Variants in LRP1B observed in about 807,000 individuals in gnomAD.
The protein encoded by LRP1B is LDL receptor related protein 1B.
LRP1B carries 217 observed loss-of-function variants against 556.6 expected under a neutral mutation model. The ratio of observed to expected loss-of-function variants is 0.39; its 90% CI spans 0.35 to 0.44. The LOEUF is 0.44. Ranked by LOEUF, LRP1B falls within the 20% of genes least tolerant of loss-of-function variation. LRP1B has a pLI of 1.00. For synonymous variants in LRP1B, 2,047 were observed against 1,865.8 expected, an observed-to-expected ratio of 1.10 and a Z score of -2.50; for missense variants, 5,053 against 5,620.8, an observed-to-expected ratio of 0.90 and a Z score of 3.23.
chr2:142,023,540 A>G (rs1574605480), intron 1 of LRP1B, among the ~76,000 whole-genome samples: 1 of 152,248 alleles, frequency 6.6e-6, no homozygotes, highest in East Asian at 1.9e-4. Context: ...TTCGAGGTCA[A>G]TACTCACACA....
rs373659353 is a variant in LRP1B, at chr2:140,597,814, G to A, written c.7194+817C>T. Among the ~76,000 whole-genome samples the A allele has an allele frequency of 5.7e-4, 87 of 152,242 alleles. 4 individuals carry two copies. In the South Asian group the frequency reaches 0.018, roughly 32 times the overall value. Reference sequence around the variant, plus strand: ...ACTGTAGTTGTGATAGAGATCACATGGTCCATGAGGCTTCAAATATTTACT... The same window carrying A: ...ACTGTAGTTGTGATAGAGATCACATAGTCCATGAGGCTTCAAATATTTACT... On this transcript the variant is annotated intron_variant, in intron 43 of 90. Transcript: ENST00000389484.
intron 1 of LRP1B, among the ~76,000 whole-genome samples, chr2:141,824,304 A>G (rs920662069): frequency 1.3e-4 from 20 of 152,294 alleles, no homozygotes; most frequent in African/African-American, 4.6e-4. Flanking sequence ...GACTTTTTCA[A>G]TGCCACTCAA....
intron 1 of LRP1B, among the ~76,000 whole-genome samples, chr2:141,933,245 G>T (rs1700551798): frequency 6.6e-6 from 1 of 151,822 alleles, no homozygotes. Flanking sequence ...AAAAAAAATT[G>T]TTGCAAAGAG....
At chr2:140,880,669 T>C (rs1340920009) in intron 25 of LRP1B, among the ~76,000 whole-genome samples, 1 of 152,144 alleles carries the variant, frequency 6.6e-6, no homozygotes, top group Non-Finnish European at 1.5e-5. Context: ...TAAATGTGTT[T>C]TGTGAGGCTA....
At chr2:141,069,484 G>C (rs1699575863) in intron 7 of LRP1B, among the ~76,000 whole-genome samples, 1 of 151,976 alleles carries the variant, frequency 6.6e-6, no homozygotes, top group Non-Finnish European at 1.5e-5. Flanking sequence ...CATTGTCTGA[G>C]GTGGAGTCTA....
intron 21 of LRP1B, among the ~76,000 whole-genome samples, chr2:140,912,561 G>A (rs938130216): frequency 6.6e-5 from 10 of 151,586 alleles, no homozygotes; most frequent in South Asian, 2.1e-4. Context: ...AGAAGATGCC[G>A]AAAACCATAT....
intron 2 of LRP1B, among the ~76,000 whole-genome samples, chr2:141,681,799 A>C (rs1691114634): frequency 6.6e-6 from 1 of 152,140 alleles, no homozygotes; most frequent in Admixed American, 6.6e-5. Flanking sequence ...AAAAGTAGTG[A>C]ATTCAGTTAA....
chr2:140,502,570 A>G (rs1689244888), intron 54 of LRP1B, among the ~76,000 whole-genome samples: 1 of 152,054 alleles, frequency 6.6e-6, no homozygotes, highest in African/African-American at 2.4e-5. Flanking sequence ...ATGATATGCA[A>G]TGTTTCATCT....
chr2:141,831,545 T>C (rs1697111262), intron 1 of LRP1B, among the ~76,000 whole-genome samples: 1 of 151,702 alleles, frequency 6.6e-6, no homozygotes, highest in Admixed American at 6.6e-5. Flanking sequence ...GTAGGAACTA[T>C]GTCTTTTTCA....
intron 2 of LRP1B, among the ~76,000 whole-genome samples, chr2:141,764,326 G>A (rs141788090): frequency 0.1 from 15,125 of 151,988 alleles, 1,129 homozygotes; most frequent in African/African-American, 0.2. Flanking sequence ...GACTACAGGC[G>A]CCCGCCACCA....
chr2:140,347,221 T>G, intron 77 of LRP1B, among the ~76,000 whole-genome samples: 1 of 151,894 alleles, frequency 6.6e-6, no homozygotes, highest in East Asian at 1.9e-4. Flanking sequence ...AAAATTAACA[T>G]TCAGAAGTCT....
intron 66 of LRP1B, among the ~76,000 whole-genome samples, chr2:140,416,690 G>C (rs567465466): frequency 6.6e-6 from 1 of 152,010 alleles, no homozygotes; most frequent in Non-Finnish European, 1.5e-5. Flanking sequence ...CAAGTAACAA[G>C]CTGCATCTGG....
chr2:141,102,439 G>A (rs758742786), intron 7 of LRP1B, among the ~76,000 whole-genome samples: 28 of 152,084 alleles, frequency 1.8e-4, no homozygotes, highest in Admixed American at 3.9e-4. Context: ...GGAGGAAAGG[G>A]ATTATTGCAG....
intron 2 of LRP1B, among the ~76,000 whole-genome samples, chr2:141,664,290 AC>A (rs1361540401): frequency 2.0e-5 from 3 of 152,238 alleles, no homozygotes; most frequent in Admixed American, 1.3e-4. Context: ...CCCCTTGAAA[AC>A]CAGCAGAACA....
chr2:140,459,228 T>C (rs1687220393), intron 60 of LRP1B, among the ~76,000 whole-genome samples: 2 of 152,164 alleles, frequency 1.3e-5, no homozygotes, highest in South Asian at 2.1e-4. Flanking sequence ...CATTTTTCTT[T>C]GACTGTATAA....
chr2:140,768,756 G>A (rs6727622), intron 35 of LRP1B, among the ~76,000 whole-genome samples: 133,223 of 151,930 alleles, frequency 0.88, 58,744 homozygotes, highest in East Asian at 1. Flanking sequence ...ATAATTTTCA[G>A]TGGTGTAGCA....
chr2:141,763,359 A>G (rs1694623890), intron 2 of LRP1B, among the ~76,000 whole-genome samples: 1 of 152,172 alleles, frequency 6.6e-6, no homozygotes, highest in African/African-American at 2.4e-5. Context: ...ATTTTCTGAA[A>G]GAGATTATTG....
intron 2 of LRP1B, among the ~76,000 whole-genome samples, chr2:141,766,136 A>C (rs1159456177): frequency 2.6e-5 from 4 of 152,228 alleles, no homozygotes; most frequent in Non-Finnish European, 4.4e-5. Flanking sequence ...TTTTAAGAAT[A>C]GAAAGGATTG....
chr2:141,687,880 T>C (rs1691368805), intron 2 of LRP1B, among the ~76,000 whole-genome samples: 1 of 150,018 alleles, frequency 6.7e-6, no homozygotes, highest in African/African-American at 2.5e-5. Flanking sequence ...TAGTAAATGA[T>C]TCAGGAATTT....
Sources: allele counts gnomAD v4.1 joint callset (sites outside exome capture counted in the v4.1 genomes callset), GRCh38; gene constraint gnomAD v4.1.1; transcripts MANE v1.5; gene names NCBI Gene and HGNC (gene_info 2026-07-23, HGNC 2026-07-21).